The following CACNA1D variants were observed in gnomAD, a reference collection of about 807,000 sequenced individuals.
CACNA1D encodes the protein calcium voltage-gated channel subunit alpha1 D, also known as voltage-dependent L-type calcium channel subunit alpha-1D.
A neutral mutation model predicts 257.1 loss-of-function variants in CACNA1D; 55 were observed. That is an observed-to-expected ratio of 0.21 (90% CI 0.17 to 0.27). The LOEUF is 0.27. CACNA1D is among the 10% of genes least tolerant of loss of function. The pLI is 1.00. For missense variants in CACNA1D, 1,876 were observed against 2,784.0 expected, an observed-to-expected ratio of 0.67 and a Z score of 7.34; for synonymous variants, 980 against 1,014.9, an observed-to-expected ratio of 0.97 and a Z score of 0.65.
chr3:53,785,667 G>C (rs1270468377), intron 39 of CACNA1D: 1 of 152,270 alleles, frequency 6.6e-6, no homozygotes, highest in Non-Finnish European at 1.5e-5. Flanking sequence ...CAGCACTTAA[G>C]ACAGCCTGAG....
chr3:53,664,913 G>A (rs2094245176), intron 5 of CACNA1D, among the ~76,000 whole-genome samples: 1 of 152,178 alleles, frequency 6.6e-6, no homozygotes, highest in Non-Finnish European at 1.5e-5. Flanking sequence ...AGGGAGAGAG[G>A]GGAGTTGTTG....
rs553522634 is a variant in CACNA1D, at chr3:53,751,689, G to T, written c.3517-60G>T. The T allele has an allele frequency of 7.6e-6, 12 of 1,575,482 alleles. No individual in the cohort carries two copies. Among genetic ancestry groups the T allele is most frequent in the Non-Finnish European group, 1.0e-5 (12 of 1,145,462 alleles). On this transcript the variant is annotated intron_variant, in intron 27 of 47. Coordinates refer to ENST00000350061, the MANE Select transcript of CACNA1D (RefSeq NM_001128840.3). This position sits in a 1 kb window ranked among gnomAD's most constrained non-coding sequence, Gnocchi z 4.3. ...GAGCTCTTTCAGAGCAGATGACCACGGGGTCCTCCTTCCCTGCAAGTGCTC... is the reference window on the plus strand; with the variant it reads ...GAGCTCTTTCAGAGCAGATGACCACTGGGTCCTCCTTCCCTGCAAGTGCTC...
rs2095532222 is a variant in CACNA1D, at chr3:53,800,717, C to A, written c.5041-341C>A. ...GCCAGCTCTTTGATCTGCCAGCTGGCTGTCAGTCCCCCAGCCCAGAGAGCA... is the reference window on the plus strand; with the variant it reads ...GCCAGCTCTTTGATCTGCCAGCTGGATGTCAGTCCCCCAGCCCAGAGAGCA... On this transcript the variant is annotated intron_variant, in intron 41 of 47. Transcript: ENST00000350061. The surrounding 1 kb of genome is among the most constrained non-coding windows in gnomAD (Gnocchi z 4.3). The A allele has an allele frequency of 2.0e-6, 1 of 497,244 alleles. No individual in the cohort carries two copies. The highest frequency in any genetic ancestry group is 1.9e-5 in the African/African-American group (1 of 51,768). The allele number at this position is 497,244 out of a possible 1,614,324, so 30.8% of individuals were successfully genotyped here.
At position 53,695,464 on chromosome 3, in the gene CACNA1D, G is replaced by A. The variant is rs1290315616; in HGVS notation, c.1221-7177G>A. 1.3e-4 allele frequency among the ~76,000 whole-genome samples: 20 copies of A among 152,208 alleles called. 1 individual carries two copies. Among genetic ancestry groups the A allele is most frequent in the Middle Eastern group, 6.8e-3 (2 of 294 alleles). On this transcript the variant is annotated intron_variant, in intron 8 of 47. Transcript: ENST00000350061. Reference sequence around the variant, plus strand: ...TCCCTCCTCCTGCCCCGCCCAGCCCGTCCTTCTTCCCTGAACAGGTGGACA... The same window carrying A: ...TCCCTCCTCCTGCCCCGCCCAGCCCATCCTTCTTCCCTGAACAGGTGGACA...
intron 40 of CACNA1D, chr3:53,791,310 C>T: frequency 2.9e-6 from 1 of 346,516 alleles, no homozygotes; most frequent in Middle Eastern, 7.8e-4. Context: ...AGCAGAGACT[C>T]AGAGAAAGGG....
intron 40 of CACNA1D, chr3:53,791,111 T>C: frequency 1.4e-6 from 1 of 693,580 alleles, no homozygotes; most frequent in Non-Finnish European, 2.6e-6. Flanking sequence ...AAACAGCATT[T>C]CAGAAGAAAT....
intron 21 of CACNA1D, among the ~76,000 whole-genome samples, chr3:53,742,057 C>G (rs979020676): frequency 2.0e-5 from 3 of 152,256 alleles, no homozygotes; most frequent in South Asian, 2.1e-4. Context: ...TGGAGACTCA[C>G]CAAGAAGTGT....
At chr3:53,762,296 G>A (rs375049421) in intron 30 of CACNA1D, among the ~76,000 whole-genome samples, 48 of 152,332 alleles carry the variant, frequency 3.2e-4, no homozygotes, top group African/African-American at 9.4e-4. Flanking sequence ...ACCTTTTGGA[G>A]GACAGGCCTT....
chr3:53,654,894 A>G (rs900331397), intron 4 of CACNA1D, among the ~76,000 whole-genome samples: 2 of 152,222 alleles, frequency 1.3e-5, no homozygotes, highest in African/African-American at 4.8e-5. Flanking sequence ...ACAGGCAAGG[A>G]AGAAGAAAAA....
In CACNA1D at chr3:53,610,180, T is replaced by C. The variant is rs146757360; in HGVS notation, c.484-40599T>C. Among the ~76,000 whole-genome samples the C allele has an allele frequency of 8.2e-3, 1,255 of 152,308 alleles. 18 individuals carry two copies. The highest frequency in any genetic ancestry group is 0.029 in the African/African-American group (1,208 of 41,574). ...ATTGTCTATCTTGGTAGATATTCCA[T>C]ATTAACTGGAAAATCATGTTTATTG... On this transcript the variant is annotated intron_variant, in intron 3 of 47. Transcript: ENST00000350061.
intron 3 of CACNA1D, among the ~76,000 whole-genome samples, chr3:53,584,488 C>T (rs2093182409): frequency 6.6e-6 from 1 of 152,150 alleles, no homozygotes; most frequent in South Asian, 2.1e-4. Context: ...CATCTTATTG[C>T]ATTTATAGCC....
At chr3:53,740,221 T>G in intron 20 of CACNA1D, 59 bp from the exon 21 acceptor site, 1 of 1,172,188 alleles carries the variant, frequency 8.5e-7, no homozygotes, top group Non-Finnish European at 1.3e-6. Flanking sequence ...CCTGTAAGCA[T>G]GCAGATGTCA....
At chr3:53,569,593 AG>A (rs1559855640) in intron 3 of CACNA1D, among the ~76,000 whole-genome samples, 1 of 152,216 alleles carries the variant, frequency 6.6e-6, no homozygotes, top group African/African-American at 2.4e-5. Context: ...TACTAGTATT[AG>A]GGTGCCCTAG....
At chr3:53,705,563 C>T (rs557281990) in intron 9 of CACNA1D, among the ~76,000 whole-genome samples, 4 of 152,272 alleles carry the variant, frequency 2.6e-5, no homozygotes, top group Non-Finnish European at 4.4e-5. Flanking sequence ...TTCTGTGGTG[C>T]GCCCTTGTTC....
rs1467850105 is a variant in CACNA1D, at chr3:53,795,220, C to T, written c.4924-5029C>T. Among the ~76,000 whole-genome samples, 5 of 152,216 alleles carry T rather than the reference C, an allele frequency of 3.3e-5. No individual in the cohort carries two copies. The South Asian group carries it at 6.2e-4, about 19-fold the overall frequency. On this transcript the variant is annotated intron_variant, in intron 40 of 47. Transcript: ENST00000350061. ...CCAAGGATGTGTGCCAAACAGGATC[C>T]GTTTCAGGGATAACTTTTGATCATT...
At chr3:53,779,468 G>C (rs527572623) in intron 37 of CACNA1D, among the ~76,000 whole-genome samples, 191 of 152,132 alleles carry the variant, frequency 1.3e-3, no homozygotes, top group Admixed American at 3.1e-3. Flanking sequence ...CACACACACA[G>C]AGGTTTATCA....
chr3:53,702,847 C>T, intron 9 of CACNA1D, 37 bp downstream of exon 9: 1 of 1,612,018 alleles, frequency 6.2e-7, no homozygotes, highest in Non-Finnish European at 8.5e-7. Flanking sequence ...CTAGACAGAC[C>T]CAGTGTGCGG....
chr3:53,585,971 G>A (rs548754061), intron 3 of CACNA1D, among the ~76,000 whole-genome samples: 10 of 152,214 alleles, frequency 6.6e-5, no homozygotes, highest in South Asian at 2.1e-4. Flanking sequence ...CCCTGCCTCC[G>A]AGAACTTCGA....
At chr3:53,553,847 C>A (rs892573165) in intron 3 of CACNA1D, among the ~76,000 whole-genome samples, 1 of 150,932 alleles carries the variant, frequency 6.6e-6, no homozygotes, top group Non-Finnish European at 1.5e-5. Context: ...AAGGCCTAAG[C>A]CTTTGCAGTA....
Sources: allele counts gnomAD v4.1 joint callset (sites outside exome capture counted in the v4.1 genomes callset), GRCh38; gene constraint gnomAD v4.1.1; non-coding constraint Gnocchi (gnomAD v3.1); transcripts MANE v1.5; gene names NCBI Gene and HGNC (gene_info 2026-07-23, HGNC 2026-07-21).